The following LCA5 variants were observed in gnomAD, a reference collection of about 807,000 sequenced individuals.
The protein encoded by LCA5 is lebercilin LCA5, also known as lebercilin.
A neutral mutation model predicts 53.0 loss-of-function variants in LCA5; 37 were observed. That is an observed-to-expected ratio of 0.70 (90% confidence interval 0.54 to 0.92). The LOEUF is 0.92. Among genes scored for constraint, LCA5 ranks in the 40% least tolerant of loss-of-function variants. The pLI is 0.00. For synonymous variants in LCA5, 303 were observed against 282.9 expected (o/e 1.07, Z -0.71); for missense variants, 806 against 790.5 (o/e 1.02, Z -0.23).
At chr6:79,500,241 T>A (rs1770100457) in intron 3 of LCA5, among the ~76,000 whole-genome samples, 1 of 152,180 alleles carries the variant, frequency 6.6e-6, no homozygotes, top group Admixed American at 6.5e-5. Context: ...TTTCAAAACA[T>A]CTTTAAACAA....
intron 3 of LCA5, among the ~76,000 whole-genome samples, chr6:79,502,617 T>C (rs976328584): frequency 6.6e-6 from 1 of 152,120 alleles, no homozygotes; most frequent in Non-Finnish European, 1.5e-5. Context: ...ATTAGTATCT[T>C]TTACAGTTTT....
intron 2 of LCA5, among the ~76,000 whole-genome samples, chr6:79,514,103 C>T (rs1256037915): frequency 6.6e-6 from 1 of 152,134 alleles, no homozygotes; most frequent in Non-Finnish European, 1.5e-5. Context: ...GCATAACAAA[C>T]ACTGGACAAA....
intron 1 of LCA5, among the ~76,000 whole-genome samples, chr6:79,526,620 G>T (rs1437828897): frequency 4.6e-5 from 7 of 152,106 alleles, no homozygotes; most frequent in Non-Finnish European, 8.8e-5. Flanking sequence ...GACAATGGGA[G>T]CCCCTTTACC....
In LCA5 at chr6:79,486,895, C is replaced by G; in HGVS notation, c.*109G>C. 1.1e-6 allele frequency: 1 copy of G among 891,572 alleles called. No homozygotes were observed. Among genetic ancestry groups the G allele is most frequent in the Non-Finnish European group, 1.7e-6 (1 of 596,926 alleles). The allele number at this position is 891,572 out of a possible 1,614,324, so 55.2% of individuals were successfully genotyped here. ...TGCATTGTATTTAGCTATTAAAAATCATTCCTTAATAAGGACATTTTAGCA... is the reference window on the plus strand; with the variant it reads ...TGCATTGTATTTAGCTATTAAAAATGATTCCTTAATAAGGACATTTTAGCA... On this transcript the variant is annotated 3_prime_UTR_variant, in exon 8 of 8. Transcript: ENST00000369846.
intron 3 of LCA5, among the ~76,000 whole-genome samples, chr6:79,497,706 G>A (rs142607560): frequency 0.01 from 1,594 of 152,168 alleles, 33 homozygotes; most frequent in African/African-American, 0.037. Flanking sequence ...GGCCAGGTGC[G>A]GTGGCTCATG....
intron 1 of LCA5, among the ~76,000 whole-genome samples, chr6:79,520,488 T>C (rs538066903): frequency 2.6e-4 from 39 of 152,280 alleles, no homozygotes; most frequent in African/African-American, 8.4e-4. Flanking sequence ...GATAATTTTA[T>C]CTCTCCATTA....
chr6:79,491,458 A>T, intron 6 of LCA5, 130 bp downstream of exon 6: 1 of 959,382 alleles, frequency 1.0e-6, no homozygotes, highest in Non-Finnish European at 1.6e-6. Flanking sequence ...CTTTCCCTTC[A>T]AAAAGGCTAG....
intron 3 of LCA5, among the ~76,000 whole-genome samples, chr6:79,507,293 C>A (rs569825481): frequency 1.4e-4 from 21 of 152,068 alleles, no homozygotes; most frequent in African/African-American, 4.8e-4. Flanking sequence ...GTTAAAAGAT[C>A]TTATAACATA....
At chr6:79,532,594 T>C (rs1766988775) in intron 1 of LCA5, among the ~76,000 whole-genome samples, 1 of 152,226 alleles carries the variant, frequency 6.6e-6, no homozygotes, top group African/African-American at 2.4e-5. Context: ...ACAGCCTTAG[T>C]ACTTGCTGCA....
chr6:79,487,445 G>A lies in LCA5; in HGVS notation c.1653C>T (p.Phe551=), dbSNP rs372632148. The A allele has an allele frequency of 7.4e-6, 12 of 1,613,806 alleles. No homozygotes were observed. Among genetic ancestry groups the A allele is most frequent in the South Asian group, 3.3e-5 (3 of 91,054 alleles). ...ACGAAGGCACGTAGCTACCAAATGC[G>A]AACTCATTAGGGGAGGCTGGACTTC... ...NVRSPASPNE[F]AFGSYVPSFA... Residue 551 remains phenylalanine (F), a synonymous_variant, in exon 8 of 8, where the codon TTC becomes TTT. Coordinates refer to ENST00000369846, the MANE Select transcript of LCA5 (RefSeq NM_001122769.3).
Position 79,515,544 on chromosome 6 carries a change from C to T in LCA5, c.191-1803G>A, listed in dbSNP as rs969826981. On this transcript the variant is annotated intron_variant, in intron 2 of 7. Transcript: ENST00000369846. ...AAGCCTCAATATTCAGAGCACCGGCCCTTTAAAAGAGGCATTTTGAAAGTC... is the reference window on the plus strand; with the variant it reads ...AAGCCTCAATATTCAGAGCACCGGCTCTTTAAAAGAGGCATTTTGAAAGTC... Among the ~76,000 whole-genome samples, 3 of 152,002 alleles carry T rather than the reference C, an allele frequency of 2.0e-5. No individual in the cohort carries two copies. In the East Asian group the frequency reaches 5.8e-4, roughly 29 times the overall value.
intron 1 of LCA5, among the ~76,000 whole-genome samples, chr6:79,520,439 G>C (rs1207433592): frequency 6.6e-6 from 1 of 151,826 alleles, no homozygotes; most frequent in Non-Finnish European, 1.5e-5. Flanking sequence ...AGGAATACAA[G>C]AACACCAAAA....
At chr6:79,497,912 G>T (rs1770025878) in intron 3 of LCA5, among the ~76,000 whole-genome samples, 1 of 147,550 alleles carries the variant, frequency 6.8e-6, no homozygotes, top group Non-Finnish European at 1.5e-5. Flanking sequence ...GGTGGAGGTT[G>T]CAGTGAGCCA....
intron 3 of LCA5, among the ~76,000 whole-genome samples, chr6:79,494,555 CA>C (rs200801212): frequency 0.011 from 1,658 of 151,034 alleles, 40 homozygotes; most frequent in African/African-American, 0.039. Flanking sequence ...AATAAAATAA[CA>C]AAAAAATAGA....
chr6:79,491,265 G>A (rs1769830698), intron 6 of LCA5, among the ~76,000 whole-genome samples: 1 of 151,980 alleles, frequency 6.6e-6, no homozygotes, highest in Admixed American at 6.6e-5. Context: ...AAACACTCAA[G>A]CCAAAGGAAT....
At chr6:79,530,581 C>A (rs181018862) in intron 1 of LCA5, among the ~76,000 whole-genome samples, 247 of 152,282 alleles carry the variant, frequency 1.6e-3, no homozygotes, top group Non-Finnish European at 3.0e-3. Context: ...TATTTAGGTT[C>A]TATTTTGAAA....
chr6:79,493,640 C>G lies in LCA5; in HGVS notation c.831G>C (p.Glu277Asp). 1 of 1,613,446 alleles carries G rather than the reference C, an allele frequency of 6.2e-7. No individual in the cohort carries two copies. The stretch of plus-strand genomic sequence containing the variant: ...TTAATTTGTGATATAGTCGCTGTAC[C>G]TCCTTTTGAAGAACTTTATTTTCAT... ...AHDENKVLQKEVQRLYHKLKE... is the reference protein window; with the variant it reads ...AHDENKVLQKDVQRLYHKLKE... Residue 277 changes from glutamate (E) to aspartate (D), a missense_variant, in exon 4 of 8, where the codon GAG becomes GAC. By Grantham distance (45) the Glu-to-Asp change is conservative (BLOSUM62 2). Transcript: ENST00000369846.
intron 1 of LCA5, among the ~76,000 whole-genome samples, chr6:79,522,878 T>C (rs915742040): frequency 6.9e-6 from 1 of 145,684 alleles, no homozygotes; most frequent in African/African-American, 2.6e-5. Flanking sequence ...GGAATTATAT[T>C]GTTTTAGGTG....
rs1174149908 is a variant in LCA5 at position 79,486,457 on chromosome 6, A to G, written c.*547T>C. 1 of 152,536 alleles carries G rather than the reference A, an allele frequency of 6.6e-6. No individual in the cohort carries two copies. Among genetic ancestry groups the G allele is most frequent in the East Asian group, 1.9e-4 (1 of 5,194 alleles). The allele number at this position is 152,536 out of a possible 1,614,324, so 9.4% of individuals were successfully genotyped here. On this transcript the variant is annotated 3_prime_UTR_variant, in exon 8 of 8. Coordinates refer to ENST00000369846, the MANE Select transcript of LCA5 (RefSeq NM_001122769.3). ...CTGTGGGTACTTTCAGAGGAATGGG[A>G]AATCCCAATGTTGTGACTGCTATCA...
Sources: allele counts gnomAD v4.1 joint callset (sites outside exome capture counted in the v4.1 genomes callset), GRCh38; gene constraint gnomAD v4.1.1; transcripts MANE v1.5; gene names NCBI Gene and HGNC (gene_info 2026-07-23, HGNC 2026-07-21).